MFSD11: variants seen among roughly 807,000 people sequenced by gnomAD.
MFSD11 encodes major facilitator superfamily domain containing 11.
A neutral mutation model predicts 53.5 loss-of-function variants in MFSD11; 36 were observed. The ratio of observed to expected loss-of-function variants is 0.67; its 90% CI spans 0.52 to 0.89. The LOEUF is 0.89. Among genes scored for constraint, MFSD11 ranks in the 40% least tolerant of loss-of-function variants. MFSD11 has a pLI of 0.00. For missense variants in MFSD11, 530 were observed against 543.9 expected (o/e 0.97, Z 0.25); for synonymous variants, 186 against 184.9 (o/e 1.01, Z -0.05).
At position 76,778,281 on chromosome 17, in the gene MFSD11, ATTTC is replaced by A. The variant is rs749895881; in HGVS notation, c.1286_1289del (p.Phe429SerfsTer11). On this transcript the variant is annotated frameshift_variant, in exon 13 of 13. Coordinates refer to ENST00000685175, the MANE Select transcript of MFSD11 (RefSeq NM_001242532.5). LOFTEE classifies it high-confidence loss of function. Reference sequence around the variant, plus strand: ...GGTGATATTTGGGTTTTTTGGAACAATTTCTTTCTTCACTGTGGAATGGGAAGCT... The same window carrying A: ...GGTGATATTTGGGTTTTTTGGAACAATTTCTTCACTGTGGAATGGGAAGCT... The A allele has an allele frequency of 6.2e-7, 1 of 1,614,078 alleles. No homozygotes were observed. Among genetic ancestry groups the A allele is most frequent in the South Asian group, 1.1e-5 (1 of 91,082 alleles).
chr17:76,755,813 T>TATATATATATATATA lies in MFSD11; in HGVS notation c.682+1726_682+1727insATATATATATATATA, dbSNP rs1491559378. Among the ~76,000 whole-genome samples, 68 of 15,026 alleles carry TATATATATATATATA rather than the reference T, an allele frequency of 4.5e-3. 2 individuals carry two copies. The highest frequency in any genetic ancestry group is 6.3e-3 in the Non-Finnish European group (51 of 8,156). The allele number at this position is 15,026 out of a possible 152,430, so 9.9% of individuals were successfully genotyped here. On this transcript the variant is annotated intron_variant, in intron 8 of 12. Transcript: ENST00000685175. ...ATACATATATATATATATATATATA[T>TATATATATATATATA]TTTTTTTTTTTTTTTTTTTTTTTTT... is the stretch of plus-strand genomic sequence containing the variant.
At chr17:76,762,194 G>A (rs1483024264) in intron 8 of MFSD11, among the ~76,000 whole-genome samples, 1 of 152,004 alleles carries the variant, frequency 6.6e-6, no homozygotes, top group East Asian at 1.9e-4. Context: ...GACATTTTAT[G>A]TAAATAGAAT....
At chr17:76,761,807 G>C (rs930639664) in intron 8 of MFSD11, among the ~76,000 whole-genome samples, 4 of 151,896 alleles carry the variant, frequency 2.6e-5, no homozygotes, top group Non-Finnish European at 5.9e-5. Flanking sequence ...TGTAATCCCA[G>C]CTACTTGGGA....
At chr17:76,781,822 G>A (rs1598815537), downstream of MFSD11, among the ~76,000 whole-genome samples, 3 of 151,932 alleles carry the variant, frequency 2.0e-5, no homozygotes, top group South Asian at 2.1e-4. Context: ...TTTCAGTTTC[G>A]TACTCACTTT....
chr17:76,792,087 T>G, the MFSD11 span, among the ~76,000 whole-genome samples: 1 of 147,490 alleles, frequency 6.8e-6, no homozygotes, highest in Non-Finnish European at 1.5e-5. Flanking sequence ...GAGACATCAC[T>G]AATATATATT....
the MFSD11 span, among the ~76,000 whole-genome samples, chr17:76,786,809 A>G: frequency 6.6e-6 from 1 of 151,984 alleles, no homozygotes; most frequent in Non-Finnish European, 1.5e-5. Flanking sequence ...CATTAGCCAC[A>G]ATGTTTCTTG....
At position 76,744,301 on chromosome 17, in the gene MFSD11, TTTC is replaced by T. The variant is rs1307832836; in HGVS notation, c.497-15_497-13del. 3 of 1,598,574 alleles carry T rather than the reference TTTC, an allele frequency of 1.9e-6. No individual in the cohort carries two copies. The highest frequency in any genetic ancestry group is 2.6e-6 in the Non-Finnish European group (3 of 1,175,058). On this transcript the variant is annotated intron_variant, in intron 6 of 12. Transcript: ENST00000685175. ...GAATTGTTTGGTCGATACTATCTTG[TTTC>T]TTCTTTTTTCTCCGTAGAGAGTGAC...
At chr17:76,774,806 A>G (rs1232103908) in intron 10 of MFSD11, among the ~76,000 whole-genome samples, 191 bp from the exon 11 acceptor site, 1 of 152,194 alleles carries the variant, frequency 6.6e-6, no homozygotes, top group African/African-American at 2.4e-5. Context: ...TCATTTTGAT[A>G]CCTTACTTTT....
intron 8 of MFSD11, among the ~76,000 whole-genome samples, chr17:76,762,720 A>T (rs934960609): frequency 2.6e-5 from 4 of 151,662 alleles, no homozygotes; most frequent in Non-Finnish European, 4.4e-5. Context: ...TTCAGTAAAT[A>T]TTAATTGACA....
chr17:76,794,413 G>C, the MFSD11 span, among the ~76,000 whole-genome samples: 1 of 149,932 alleles, frequency 6.7e-6, no homozygotes, highest in African/African-American at 2.5e-5. Context: ...GGAGGTGGAG[G>C]TTGCAGTGAG....
chr17:76,797,118 G>A, the MFSD11 span, among the ~76,000 whole-genome samples: 1 of 152,114 alleles, frequency 6.6e-6, no homozygotes, highest in East Asian at 1.9e-4. Flanking sequence ...GCAGTGAGCT[G>A]AGATCGCACC....
In MFSD11 at chr17:76,769,726, T is replaced by A. The variant is rs540535586; in HGVS notation, c.749-20T>A. ...AATGTGAATATATAAATGACATCTG[T>A]TTTTTTTCTTTAACTAAAGGTCTGG... On this transcript the variant is annotated intron_variant, in intron 9 of 12. Transcript: ENST00000685175. 1 of 1,563,040 alleles carries A rather than the reference T, an allele frequency of 6.4e-7. No individual in the cohort carries two copies. The highest frequency in any genetic ancestry group is 1.2e-5 in the South Asian group (1 of 83,858).
chr17:76,755,791 C>CATATATATATATATATATAT (rs71158064), intron 8 of MFSD11, among the ~76,000 whole-genome samples: 3 of 16,104 alleles, frequency 1.9e-4, no homozygotes, highest in African/African-American at 7.0e-4. Context: ...TGTGTGTATA[C>CATATATATATATATATATAT]ATATATATAT....
At chr17:76,754,020 C>A in intron 7 of MFSD11, 27 bp from the exon 8 acceptor site, 1 of 1,584,772 alleles carries the variant, frequency 6.3e-7, no homozygotes, top group Non-Finnish European at 8.6e-7. Context: ...AAAGAAAAAA[C>A]TTATTTTTTA....
intron 7 of MFSD11, among the ~76,000 whole-genome samples, chr17:76,749,476 C>T (rs990336419): frequency 6.6e-6 from 1 of 151,434 alleles, no homozygotes; most frequent in Non-Finnish European, 1.5e-5. Context: ...TTGCAGTGAG[C>T]CAAGATAATC....
At chr17:76,756,950 A>G (rs2079707296) in intron 8 of MFSD11, among the ~76,000 whole-genome samples, 1 of 152,136 alleles carries the variant, frequency 6.6e-6, no homozygotes, top group African/African-American at 2.4e-5. Context: ...TGGCAATTTA[A>G]CCATTTTTGA....
chr17:76,766,585 A>G (rs1394555638), intron 8 of MFSD11, among the ~76,000 whole-genome samples: 6 of 152,084 alleles, frequency 3.9e-5, no homozygotes, highest in Non-Finnish European at 2.9e-5. Context: ...GTCTTCTTAT[A>G]TTTATTCTTA....
At chr17:76,783,558 G>A (rs939601756), downstream of MFSD11, among the ~76,000 whole-genome samples, 9 of 151,964 alleles carry the variant, frequency 5.9e-5, no homozygotes, top group Non-Finnish European at 1.0e-4. Flanking sequence ...TAAGTCCCTT[G>A]GGGGTCTTTT....
At chr17:76,754,254 A>C in intron 8 of MFSD11, 167 bp downstream of exon 8, 21 of 557,598 alleles carry the variant, frequency 3.8e-5, no homozygotes, top group East Asian at 1.3e-4. Context: ...TCTCTCTAAC[A>C]TGGGGGTTGT....
Sources: gnomAD v4.1 joint callset for allele counts (sites outside exome capture counted in the v4.1 genomes callset) on GRCh38, gnomAD v4.1.1 for gene constraint, MANE v1.5 for transcripts, NCBI Gene and HGNC (gene_info 2026-07-23, HGNC 2026-07-21) for gene names.